Variants in TACR1 observed in about 807,000 individuals in gnomAD.
TACR1 encodes substance-P receptor.
In TACR1, 25 loss-of-function variants were observed where a neutral mutation model predicts 35.8. The observed-to-expected ratio is 0.70, with a 90% CI of 0.51 to 0.98. The LOEUF (loss-of-function observed/expected upper bound fraction) is 0.98, where lower values mean the gene tolerates loss of function less well. Ranked by LOEUF, TACR1 falls within the 50% of genes least tolerant of loss-of-function variation. TACR1 has a pLI of 0.00. For missense variants in TACR1, 478 were observed against 522.9 expected (o/e 0.91, Z 0.84); for synonymous variants, 195 against 206.7 (o/e 0.94, Z 0.48).
chr2:75,171,134 A>G (rs191431064), intron 1 of TACR1, among the ~76,000 whole-genome samples: 1 of 152,282 alleles, frequency 6.6e-6, no homozygotes, highest in African/African-American at 2.4e-5. Context: ...ACCTAGGAGG[A>G]AAAAATGGTT....
At chr2:75,150,659 C>T (rs1294070197) in intron 1 of TACR1, among the ~76,000 whole-genome samples, 3 of 152,104 alleles carry the variant, frequency 2.0e-5, no homozygotes, top group African/African-American at 7.2e-5. Context: ...AGTGTGAAAA[C>T]AAACAAATAC....
intron 1 of TACR1, among the ~76,000 whole-genome samples, chr2:75,125,713 C>CTGTTA (rs1203467396): frequency 6.6e-6 from 1 of 152,134 alleles, no homozygotes. Flanking sequence ...ACATGTAAGA[C>CTGTTA]TGTTATGTGA....
At chr2:75,135,840 G>T (rs537241186) in intron 1 of TACR1, among the ~76,000 whole-genome samples, 2 of 152,174 alleles carry the variant, frequency 1.3e-5, no homozygotes, top group East Asian at 3.9e-4. Context: ...CCTTGCAGGG[G>T]GACCTTAAGA....
In TACR1 at chr2:75,198,974, C is replaced by T; in HGVS notation, c.-40G>A. The stretch of plus-strand genomic sequence containing the variant: ...GTAAAGCCCTACTATCTGTACACAA[C>T]CCCCCTCTGCAGCAGAGTCCTGTGG... On this transcript the variant is annotated 5_prime_UTR_variant, in exon 1 of 5. Transcript: ENST00000305249. The T allele has an allele frequency of 1.9e-6, 3 of 1,592,322 alleles. No homozygotes were observed. Among genetic ancestry groups the T allele is most frequent in the Non-Finnish European group, 2.6e-6 (3 of 1,168,066 alleles).
At chr2:75,115,979 T>A (rs1216480055) in intron 2 of TACR1, among the ~76,000 whole-genome samples, 3 of 151,884 alleles carry the variant, frequency 2.0e-5, no homozygotes, top group Non-Finnish European at 4.4e-5. Flanking sequence ...ATACTGAGTT[T>A]AAAAAAACAA....
chr2:75,139,436 A>C (rs769115074), intron 1 of TACR1, among the ~76,000 whole-genome samples: 1 of 152,212 alleles, frequency 6.6e-6, no homozygotes, highest in Non-Finnish European at 1.5e-5. Flanking sequence ...TTAAAATGAG[A>C]GCAGCAAAGG....
At chr2:75,143,264 C>A (rs1674445093) in intron 1 of TACR1, among the ~76,000 whole-genome samples, 1 of 152,160 alleles carries the variant, frequency 6.6e-6, no homozygotes, top group African/African-American at 2.4e-5. Flanking sequence ...TTGAATTTTA[C>A]TTTTTCTTGA....
chr2:75,170,645 G>T (rs969534353), intron 1 of TACR1, among the ~76,000 whole-genome samples: 7 of 152,192 alleles, frequency 4.6e-5, no homozygotes, highest in Admixed American at 1.3e-4. Flanking sequence ...AATGCTGATG[G>T]TGATATGGAC....
intron 2 of TACR1, among the ~76,000 whole-genome samples, chr2:75,075,013 C>G (rs1179691924): frequency 6.6e-6 from 1 of 152,194 alleles, no homozygotes; most frequent in East Asian, 1.9e-4. Flanking sequence ...TTTTCCCTCA[C>G]TGGCATGTGA....
chr2:75,053,927 G>T (rs17010698), intron 2 of TACR1, among the ~76,000 whole-genome samples, 172 bp from the exon 3 acceptor site: 25,394 of 152,158 alleles, frequency 0.17, 2,275 homozygotes, highest in East Asian at 0.36. Context: ...TGCATAGGGT[G>T]GATAGGTAAT....
intron 2 of TACR1, among the ~76,000 whole-genome samples, chr2:75,112,765 T>A (rs1673776183): frequency 6.6e-6 from 1 of 152,220 alleles, no homozygotes; most frequent in Non-Finnish European, 1.5e-5. Context: ...AAATATATGA[T>A]GCTCCCCTTT....
chr2:75,079,000 G>A (rs1673030079), intron 2 of TACR1, among the ~76,000 whole-genome samples: 1 of 152,122 alleles, frequency 6.6e-6, no homozygotes, highest in South Asian at 2.1e-4. Context: ...CAAACACATC[G>A]AAACATCAAA....
chr2:75,185,489 T>A (rs937885703), intron 1 of TACR1, among the ~76,000 whole-genome samples: 1 of 152,138 alleles, frequency 6.6e-6, no homozygotes, highest in Non-Finnish European at 1.5e-5. Context: ...GCCTTTAATA[T>A]AGCCTCAACC....
rs755168691 is a variant in TACR1 at position 75,049,672 on chromosome 2, G to A, written c.984C>T (p.Ala328=). ...HAFRCCPFIS[A]GDYEGLEMKS... is the part of the protein sequence containing the mutation. ...TCATTTCCAGCCCCTCATAGTCGCC[G>A]GCGCTGATGAAGGGGCAGCACCGGA... The change falls in exon 5 of 5, where the codon GCC becomes GCT. Residue 328 remains alanine, a synonymous_variant. Coordinates refer to ENST00000305249, the MANE Select transcript of TACR1 (RefSeq NM_001058.4). 2 of 1,614,108 alleles carry A rather than the reference G, an allele frequency of 1.2e-6. No homozygotes were observed. The highest frequency in any genetic ancestry group is 3.3e-5 in the Admixed American group (2 of 60,028).
intron 1 of TACR1, chr2:75,189,973 ATACT>A (rs1017650808): frequency 6.6e-6 from 1 of 152,220 alleles, no homozygotes; most frequent in Non-Finnish European, 1.5e-5. Flanking sequence ...TGGTATTCAA[ATACT>A]TAGTTGGAAG....
chr2:75,106,183 G>T (rs940730369), intron 2 of TACR1, among the ~76,000 whole-genome samples: 2 of 151,904 alleles, frequency 1.3e-5, no homozygotes, highest in Non-Finnish European at 2.9e-5. Context: ...ATTAAAAATG[G>T]CAATGATAAA....
chr2:75,141,881 C>T (rs1020731855), intron 1 of TACR1, among the ~76,000 whole-genome samples: 10 of 152,174 alleles, frequency 6.6e-5, no homozygotes, highest in African/African-American at 2.4e-4. Flanking sequence ...CCACATCTGC[C>T]CTACTGTGAG....
chr2:75,170,982 G>A (rs923284518), intron 1 of TACR1, among the ~76,000 whole-genome samples: 6 of 152,160 alleles, frequency 3.9e-5, no homozygotes, highest in Non-Finnish European at 5.9e-5. Flanking sequence ...CTGATGATGC[G>A]ATATGAGGAG....
intron 1 of TACR1, among the ~76,000 whole-genome samples, chr2:75,166,074 G>A (rs1275116241): frequency 6.6e-6 from 1 of 152,148 alleles, no homozygotes; most frequent in Non-Finnish European, 1.5e-5. Flanking sequence ...GATTAGAGAG[G>A]AGTGAGACTC....
Sources: gnomAD v4.1 joint callset for allele counts (sites outside exome capture counted in the v4.1 genomes callset) on GRCh38, gnomAD v4.1.1 for gene constraint, MANE v1.5 for transcripts, NCBI Gene and HGNC (gene_info 2026-07-23, HGNC 2026-07-21) for gene names.